Variants in HOOK3 observed in about 807,000 individuals in gnomAD.
HOOK3 encodes hook microtubule tethering protein 3.
A neutral mutation model predicts 116.3 loss-of-function variants in HOOK3; 24 were observed. That is an observed-to-expected ratio of 0.21 (90% CI 0.15 to 0.29). HOOK3 has a LOEUF of 0.29. HOOK3 is among the 10% of genes least tolerant of loss of function. The pLI is 1.00. For missense variants in HOOK3, 632 were observed against 830.2 expected (o/e 0.76, Z 2.93); for synonymous variants, 275 against 283.0 (o/e 0.97, Z 0.28).
At position 43,030,071 on chromosome 8, in the gene HOOK3, A is replaced by C. The variant is rs1003052277; in HGVS notation, c.*11573A>C. 4.7e-6 allele frequency: 1 copy of C among 211,592 alleles called. No individual in the cohort carries two copies. The highest frequency in any genetic ancestry group is 7.2e-5 in the East Asian group (1 of 13,952). 13.1% of individuals were successfully genotyped at this position (211,592 alleles called of 1,614,324 possible). On this transcript the variant is annotated 3_prime_UTR_variant, in exon 22 of 22. Coordinates refer to ENST00000307602, the MANE Select transcript of HOOK3 (RefSeq NM_032410.4). ...ATCAGACTTGGAACTTCTCACTTCA[A>C]AAATGAAATACAGATTTAGCAGTGT...
chr8:42,957,253 A>G, intron 7 of HOOK3, 97 bp downstream of exon 7: 1 of 553,526 alleles, frequency 1.8e-6, no homozygotes, highest in Non-Finnish European at 3.0e-6. Context: ...TTTTTATTAT[A>G]TTGGTTTAAT....
Position 42,914,845 on chromosome 8 carries a change from C to G in HOOK3, c.143+8587C>G, listed in dbSNP as rs919198367. Among the ~76,000 whole-genome samples the G allele has an allele frequency of 4.6e-5, 7 of 152,112 alleles. No homozygotes were observed. The East Asian group carries it at 1.2e-3, about 25-fold the overall frequency. ...TTAAAAATATTTCTCCACCGGGCGC[C>G]GTGGCTCATGCCTGTAATCCCAGCA... On this transcript the variant is annotated intron_variant, in intron 2 of 21. Transcript: ENST00000307602.
chr8:42,973,104 G>A (rs760507066), intron 11 of HOOK3, among the ~76,000 whole-genome samples, 185 bp from the exon 12 acceptor site: 17 of 152,204 alleles, frequency 1.1e-4, no homozygotes, highest in Non-Finnish European at 1.6e-4. Context: ...GATGATTCTG[G>A]TTGGGACCGA....
chr8:42,978,263 A>T (rs1015956647), intron 13 of HOOK3, among the ~76,000 whole-genome samples: 2 of 152,150 alleles, frequency 1.3e-5, no homozygotes, highest in South Asian at 2.1e-4. Flanking sequence ...TTTTTTTGAG[A>T]TGGAGTTTCG....
At chr8:42,935,489 G>A (rs1190416413) in intron 4 of HOOK3, among the ~76,000 whole-genome samples, 3 of 152,116 alleles carry the variant, frequency 2.0e-5, no homozygotes, top group Admixed American at 1.3e-4. Context: ...GAATGGTATT[G>A]CCTAGGTTTT....
At chr8:42,969,213 T>TA (rs1311392305) in intron 11 of HOOK3, among the ~76,000 whole-genome samples, 1 of 152,236 alleles carries the variant, frequency 6.6e-6, no homozygotes, top group African/African-American at 2.4e-5. Context: ...ACTTTCTGTC[T>TA]AAGAGTATCT....
chr8:42,980,486 A>G (rs556985260), intron 13 of HOOK3, among the ~76,000 whole-genome samples: 2 of 152,238 alleles, frequency 1.3e-5, no homozygotes, highest in African/African-American at 4.8e-5. Flanking sequence ...GAGGCCTTCA[A>G]GAGGTGATTA....
chr8:42,954,584 T>A (rs1210574731), intron 6 of HOOK3, among the ~76,000 whole-genome samples: 2 of 152,244 alleles, frequency 1.3e-5, no homozygotes, highest in Non-Finnish European at 2.9e-5. Flanking sequence ...GAACAAGATA[T>A]AAAGTTGTAT....
At chr8:43,002,936 G>A (rs548276463) in intron 17 of HOOK3, among the ~76,000 whole-genome samples, 1 of 152,294 alleles carries the variant, frequency 6.6e-6, no homozygotes, top group South Asian at 2.1e-4. Context: ...GGACTTTGTG[G>A]TATAAAAGAT....
At chr8:42,992,025 G>C (rs888458209) in intron 15 of HOOK3, among the ~76,000 whole-genome samples, 2 of 152,012 alleles carry the variant, frequency 1.3e-5, no homozygotes, top group Non-Finnish European at 1.5e-5. Flanking sequence ...TTAATTCCTA[G>C]GTATTTTATT....
At chr8:42,964,517 A>G (rs752701268) in intron 9 of HOOK3, 43 bp downstream of exon 9, 1 of 1,583,678 alleles carries the variant, frequency 6.3e-7, no homozygotes, top group Non-Finnish European at 8.6e-7. Flanking sequence ...AAAATTTGTT[A>G]GCTGTCATTT....
intron 1 of HOOK3, among the ~76,000 whole-genome samples, chr8:42,904,043 T>C (rs1807251650): frequency 1.3e-5 from 2 of 152,152 alleles, no homozygotes; most frequent in Non-Finnish European, 2.9e-5. Context: ...AATAAATTGC[T>C]ACAGTATATA....
chr8:42,955,732 T>A (rs935966019), intron 6 of HOOK3, among the ~76,000 whole-genome samples: 1 of 152,138 alleles, frequency 6.6e-6, no homozygotes, highest in Non-Finnish European at 1.5e-5. Context: ...CCTAGAAGTC[T>A]TCCTGATGTT....
At chr8:42,976,038 A>ATGTGTG (rs1386325481) in intron 13 of HOOK3, among the ~76,000 whole-genome samples, 56 of 139,418 alleles carry the variant, frequency 4.0e-4, no homozygotes, top group South Asian at 2.5e-3. Context: ...GTGTATATAT[A>ATGTGTG]TATGTGTGTG....
At chr8:42,947,733 A>G (rs1420937514) in intron 5 of HOOK3, among the ~76,000 whole-genome samples, 2 of 152,198 alleles carry the variant, frequency 1.3e-5, no homozygotes, top group Non-Finnish European at 2.9e-5. Flanking sequence ...AAAACTCACT[A>G]AAGCAGTTCT....
intron 1 of HOOK3, among the ~76,000 whole-genome samples, chr8:42,897,809 C>T (rs958175539): frequency 1.3e-5 from 2 of 151,760 alleles, no homozygotes; most frequent in Non-Finnish European, 2.9e-5. Flanking sequence ...ATTCCTCATA[C>T]TTTGAAGTAA....
intron 11 of HOOK3, among the ~76,000 whole-genome samples, chr8:42,968,829 T>TA (rs1363287418): frequency 1.3e-5 from 2 of 152,226 alleles, no homozygotes; most frequent in African/African-American, 2.4e-5. Flanking sequence ...CCCTCCTCGT[T>TA]ACAGGCAGCC....
At chr8:42,989,169 C>G (rs1356822670) in intron 15 of HOOK3, among the ~76,000 whole-genome samples, 1 of 152,176 alleles carries the variant, frequency 6.6e-6, no homozygotes, top group Admixed American at 6.5e-5. Flanking sequence ...TCAGGATTCC[C>G]CAGGAATTCT....
chr8:42,956,035 T>G (rs1808427089), intron 6 of HOOK3, among the ~76,000 whole-genome samples: 1 of 152,152 alleles, frequency 6.6e-6, no homozygotes, highest in Admixed American at 6.5e-5. Context: ...CACCCAGTTA[T>G]ACATCCCCAC....
Sources: allele counts gnomAD v4.1 joint callset (sites outside exome capture counted in the v4.1 genomes callset), GRCh38; gene constraint gnomAD v4.1.1; transcripts MANE v1.5; gene names NCBI Gene and HGNC (gene_info 2026-07-23, HGNC 2026-07-21).